HEATR1: variants seen among roughly 807,000 people sequenced by gnomAD.
HEATR1 encodes HEAT repeat containing 1, also known as HEAT repeat-containing protein 1.
A neutral mutation model predicts 248.2 loss-of-function variants in HEATR1; 77 were observed. The observed-to-expected ratio is 0.31, with a 90% CI of 0.26 to 0.37. The LOEUF (loss-of-function observed/expected upper bound fraction) is 0.37. Ranked by LOEUF, HEATR1 falls within the 10% of genes least tolerant of loss-of-function variation. The pLI is 1.00. For missense variants in HEATR1, 2,420 were observed against 2,504.9 expected (o/e 0.97, Z 0.72); for synonymous variants, 897 against 923.1 (o/e 0.97, Z 0.51).
chr1:236,549,088 TG>T lies in HEATR1; in HGVS notation c.*1813del. The T allele has an allele frequency of 5.0e-6, 2 of 398,268 alleles. No homozygotes were observed. Among genetic ancestry groups the T allele is most frequent in the Middle Eastern group, 6.3e-4 (1 of 1,586 alleles). The allele number at this position is 398,268 out of a possible 1,614,324, so 24.7% of individuals were successfully genotyped here. A position where few individuals can be genotyped will look rare whatever the true frequency, so the allele number is the denominator to read the frequency against. ...TCATAAGGCAGGCACTATCAGAAAG[TG>T]TACGCCAACTAAGGGACCCACAAAG... On this transcript the variant is annotated 3_prime_UTR_variant, in exon 45 of 45. Coordinates refer to ENST00000366582, the MANE Select transcript of HEATR1 (RefSeq NM_018072.6).
At chr1:236,584,305 T>C (rs927782581) in intron 17 of HEATR1, among the ~76,000 whole-genome samples, 1 of 152,132 alleles carries the variant, frequency 6.6e-6, no homozygotes, top group African/African-American at 2.4e-5. Context: ...AAGAAGGGCC[T>C]ATCTGGACTA....
At chr1:236,563,029 T>C (rs2103128803) in intron 32 of HEATR1, among the ~76,000 whole-genome samples, 1 of 152,358 alleles carries the variant, frequency 6.6e-6, no homozygotes, top group East Asian at 1.9e-4. Flanking sequence ...CTGATCTCTC[T>C]TAAGCAAGCT....
intron 9 of HEATR1, 136 bp downstream of exon 9, chr1:236,593,876 C>A: frequency 1.6e-6 from 1 of 611,062 alleles, no homozygotes; most frequent in South Asian, 2.1e-5. Context: ...GGATTAAGTA[C>A]TTATAGTTAA....
Position 236,585,192 on chromosome 1 carries a change from C to T in HEATR1, c.2074G>A (p.Glu692Lys). 1.2e-6 allele frequency: 2 copies of T among 1,612,070 alleles called. No individual in the cohort carries two copies. The highest frequency in any genetic ancestry group is 1.7e-6 in the Non-Finnish European group (2 of 1,179,324). Residue 692 changes from glutamate (E) to lysine (K), a missense_variant, in exon 17 of 45, where the codon GAG becomes AAG. Physicochemically the swap from Glu to Lys is moderately conservative, Grantham distance 56. Coordinates refer to ENST00000366582, the MANE Select transcript of HEATR1 (RefSeq NM_018072.6). Reference protein sequence around the residue: ...KMVEDLISVGEEESFNLKQKV... With the variant: ...KMVEDLISVGKEESFNLKQKV... ...TGCTTCAGGTTAAAGGACTCCTCCT[C>T]ACCCACGCTTATTAAATCCTCCACC...
chr1:236,552,058 T>C lies in HEATR1; in HGVS notation c.6287A>G (p.Lys2096Arg), dbSNP rs1210586627. 4 of 1,613,678 alleles carry C rather than the reference T, an allele frequency of 2.5e-6. No homozygotes were observed. The South Asian group carries it at 4.4e-5, about 18-fold the overall frequency. ...TGGTAGCAAGACAATATAATTCTCC[T>C]TTAGTTTTTCAGCCAGTGCTAACAC... Reference protein sequence around the residue: ...ITVLALAEKLKENYIVLLPES... With the variant: ...ITVLALAEKLRENYIVLLPES... Residue 2096 changes from lysine to arginine, a missense_variant, in exon 44 of 45, where the codon AAG becomes AGG. Coordinates refer to ENST00000366582, the MANE Select transcript of HEATR1 (RefSeq NM_018072.6).
At position 236,558,174 on chromosome 1, in the gene HEATR1, A is replaced by C. The variant is rs569379382; in HGVS notation, c.5204+63T>G. ...GAGGAAAAAAAAAAAAAGTCACCAA[A>C]GTGTTATTTTTCAATGTGTGCCAGG... is the stretch of plus-strand genomic sequence containing the variant. On this transcript the variant is annotated intron_variant, in intron 36 of 44. Coordinates refer to ENST00000366582, the MANE Select transcript of HEATR1 (RefSeq NM_018072.6). 161 of 1,491,596 alleles carry C rather than the reference A, an allele frequency of 1.1e-4. 2 individuals are homozygous for C. The African/African-American group carries it at 2.1e-3, about 20-fold the overall frequency. 92.4% of individuals were successfully genotyped at this position (1,491,596 alleles called of 1,614,324 possible).
At chr1:236,554,842 T>A in intron 41 of HEATR1, 90 bp from the exon 42 acceptor site, 1 of 1,153,082 alleles carries the variant, frequency 8.7e-7, no homozygotes, top group Non-Finnish European at 1.2e-6. Flanking sequence ...TTAAAATAAC[T>A]AAATCAGAAG....
At position 236,555,953 on chromosome 1, in the gene HEATR1, A is replaced by G. The variant is rs1662962527; in HGVS notation, c.5515-14T>C. ...ACCCATGTGATTCTACCAATAACAC[A>G]GGAAAGAGATGTGCCATTTTCAAAT... is the stretch of plus-strand genomic sequence containing the variant. On this transcript the variant is annotated splice_polypyrimidine_tract_variant and intron_variant, in intron 38 of 44. Transcript: ENST00000366582. 6.2e-7 allele frequency: 1 copy of G among 1,613,258 alleles called. No homozygotes were observed. The highest frequency in any genetic ancestry group is 1.3e-5 in the African/African-American group (1 of 74,942).
intron 6 of HEATR1, among the ~76,000 whole-genome samples, chr1:236,596,268 A>G (rs895356082): frequency 8.5e-5 from 13 of 152,186 alleles, no homozygotes; most frequent in African/African-American, 3.1e-4. Flanking sequence ...AAAATTTCCC[A>G]ACTCAAACAT....
chr1:236,559,239 G>A, intron 34 of HEATR1, 104 bp from the exon 35 acceptor site: 1 of 781,582 alleles, frequency 1.3e-6, no homozygotes, highest in East Asian at 3.0e-5. Context: ...CCAGGCACCA[G>A]GCACTTCCAC....
At chr1:236,566,125 T>C (rs1663261941) in intron 30 of HEATR1, 80 bp from the exon 31 acceptor site, 2 of 1,388,802 alleles carry the variant, frequency 1.4e-6, no homozygotes, top group Non-Finnish European at 2.0e-6. Flanking sequence ...TGCGTTAGGA[T>C]TTCTAGCAGA....
chr1:236,569,158 TTC>T, intron 28 of HEATR1, 34 bp from the exon 29 acceptor site: 1 of 1,517,848 alleles, frequency 6.6e-7, no homozygotes, highest in Non-Finnish European at 8.9e-7. Context: ...CATTTTTTAT[TTC>T]TGTTAATTTC....
chr1:236,574,723 C>G lies in HEATR1; in HGVS notation c.3265G>C (p.Val1089Leu). 1 of 1,613,892 alleles carries G rather than the reference C, an allele frequency of 6.2e-7. No homozygotes were observed. The highest frequency in any genetic ancestry group is 8.5e-7 in the Non-Finnish European group (1 of 1,179,834). The change falls in exon 23 of 45, where the codon GTG becomes CTG. Residue 1089 changes from valine (V) to leucine (L), a missense_variant. By Grantham distance (32) the Val-to-Leu change is conservative. Coordinates refer to ENST00000366582, the MANE Select transcript of HEATR1 (RefSeq NM_018072.6). Reference protein sequence around the residue: ...PKSLDIFIKAVHTTKELYAGM... With the variant: ...PKSLDIFIKALHTTKELYAGM... The stretch of plus-strand genomic sequence containing the variant: ...GCGTAAAGTTCCTTTGTTGTGTGCA[C>G]AGCTTTTATAAATATATCTAGACTC...
At position 236,596,014 on chromosome 1, in the gene HEATR1, C is replaced by G. The variant is rs752568839; in HGVS notation, c.775G>C (p.Ala259Pro). 6.2e-7 allele frequency: 1 copy of G among 1,612,180 alleles called. No homozygotes were observed. Among genetic ancestry groups the G allele is most frequent in the Non-Finnish European group, 8.5e-7 (1 of 1,178,494 alleles). Residue 259 changes from alanine (A) to proline (P), a missense_variant, in exon 7 of 45, where the codon GCT becomes CCT. Ala to Pro is a conservative substitution (Grantham distance 27). Transcript: ENST00000366582. ...TGACATATTATCATGTATGTTGCAG[C>G]TCTGTAATCTGGTAAAGATGATTTC... ...GLKSSLPDYR[A>P]ATYMIICQIS...
rs1664050275 is a variant in HEATR1 at position 236,591,988 on chromosome 1, C to T, written c.1422+5G>A. ...TTGTCATAATTCCTTTGGAGAACAA[C>T]ATACCTGATACTTTCCTCCACTTGT... is the stretch of plus-strand genomic sequence containing the variant. On this transcript the variant is annotated splice_donor_5th_base_variant and intron_variant, in intron 11 of 44. Transcript: ENST00000366582. The T allele has an allele frequency of 6.6e-7, 1 of 1,524,870 alleles. No homozygotes were observed. The allele number at this position is 1,524,870 out of a possible 1,614,324, so 94.5% of individuals were successfully genotyped here.
intron 22 of HEATR1, 21 bp from the exon 23 acceptor site, chr1:236,574,924 T>C (rs777498571): frequency 2.0e-5 from 32 of 1,607,394 alleles, no homozygotes; most frequent in South Asian, 8.9e-5. Flanking sequence ...AAAGACTTAG[T>C]AGTAAATAGT....
chr1:236,568,451 G>C (rs1196923088), intron 29 of HEATR1, among the ~76,000 whole-genome samples: 1 of 152,156 alleles, frequency 6.6e-6, no homozygotes, highest in East Asian at 1.9e-4. Flanking sequence ...AACTCAAGTA[G>C]ATGAACAAGC....
At position 236,576,227 on chromosome 1, in the gene HEATR1, T is replaced by C. The variant is rs138072030; in HGVS notation, c.3076A>G (p.Asn1026Asp). The change falls in exon 22 of 45, where the codon AAC becomes GAC. Residue 1026 changes from asparagine to aspartate, a missense_variant. Asn to Asp is a conservative substitution (Grantham distance 23). Transcript: ENST00000366582. Reference protein sequence around the residue: ...KDLMKVLQGVNGEMVLSQLLP... With the variant: ...KDLMKVLQGVDGEMVLSQLLP... ...ACTTAAATGGCACATACCTCACCGT[T>C]GACTCCCTGAAGTACTTTCATCAAA... 23 of 1,598,588 alleles carry C rather than the reference T, an allele frequency of 1.4e-5. No homozygotes were observed. The highest frequency in any genetic ancestry group is 1.7e-4 in the Middle Eastern group (1 of 5,976).
chr1:236,559,922 A>T, intron 33 of HEATR1, 85 bp from the exon 34 acceptor site: 3 of 1,357,014 alleles, frequency 2.2e-6, no homozygotes, highest in Non-Finnish European at 3.0e-6. Flanking sequence ...AAATGTTTCA[A>T]GTAGAAAGAC....
Sources: gnomAD v4.1 joint callset for allele counts (sites outside exome capture counted in the v4.1 genomes callset) on GRCh38, gnomAD v4.1.1 for gene constraint, MANE v1.5 for transcripts, NCBI Gene and HGNC (gene_info 2026-07-23, HGNC 2026-07-21) for gene names.